DNAH3: variants seen among roughly 807,000 people sequenced by gnomAD.
DNAH3 encodes the protein axonemal beta dynein heavy chain 3.
A neutral mutation model predicts 432.5 loss-of-function variants in DNAH3; 332 were observed. That is an observed-to-expected ratio of 0.77 (90% CI 0.70 to 0.84). DNAH3 has a LOEUF of 0.84. DNAH3 is among the 40% of genes least tolerant of loss of function. The probability of loss-of-function intolerance (pLI) is 0.00; values close to 1 mark genes in which losing one functional copy is unlikely to be tolerated. For synonymous variants in DNAH3, 1,956 were observed against 1,900.2 expected (o/e 1.03, Z -0.76); for missense variants, 4,861 against 5,114.0 (o/e 0.95, Z 1.51).
chr16:20,968,781 A>AC (rs2085178619), intron 52 of DNAH3, among the ~76,000 whole-genome samples: 1 of 143,344 alleles, frequency 7.0e-6, no homozygotes, highest in Non-Finnish European at 1.5e-5. Flanking sequence ...CTCCTGCTCC[A>AC]CCCCACCCCT....
intron 44 of DNAH3, among the ~76,000 whole-genome samples, chr16:20,988,423 A>T (rs78950162): frequency 6.6e-6 from 1 of 152,010 alleles, no homozygotes; most frequent in African/African-American, 2.4e-5. Flanking sequence ...ATTATATTAC[A>T]TTACTTTTTG....
chr16:21,093,176 A>G (rs369718645), intron 18 of DNAH3, among the ~76,000 whole-genome samples: 48 of 152,348 alleles, frequency 3.2e-4, no homozygotes, highest in African/African-American at 1.1e-3. Flanking sequence ...TGTCATTTAT[A>G]TTGGTGGAAA....
chr16:21,021,503 G>T (rs1247001237), intron 40 of DNAH3, among the ~76,000 whole-genome samples: 1 of 152,030 alleles, frequency 6.6e-6, no homozygotes, highest in Non-Finnish European at 1.5e-5. Context: ...TAAACACATG[G>T]ACTTTGCCTA....
At chr16:20,981,595 C>T (rs1393423928) in intron 49 of DNAH3, among the ~76,000 whole-genome samples, 3 of 152,072 alleles carry the variant, frequency 2.0e-5, no homozygotes, top group African/African-American at 4.8e-5. Flanking sequence ...CATGGAGGCT[C>T]ACACCTGTAA....
intron 52 of DNAH3, among the ~76,000 whole-genome samples, chr16:20,966,126 C>T (rs2085053358): frequency 6.9e-6 from 1 of 144,440 alleles, no homozygotes. Context: ...CAACCTCTGC[C>T]TCCTGGGTTC....
exon 46 of DNAH3, chr16:20,987,775 G>C (rs143853702): frequency 6.2e-7 from 1 of 1,614,100 alleles, no homozygotes; most frequent in Non-Finnish European, 8.5e-7. Context: ...ATGTGACTTC[G>C]AGGGAGTTGG....
At chr16:21,064,411 A>AGTTT (rs1265513584) in intron 24 of DNAH3, among the ~76,000 whole-genome samples, 1 of 152,216 alleles carries the variant, frequency 6.6e-6, no homozygotes, top group Non-Finnish European at 1.5e-5. Context: ...TCAATCTGCC[A>AGTTT]ACCTAGAGAA....
intron 12 of DNAH3, among the ~76,000 whole-genome samples, chr16:21,115,568 G>A (rs1002433278): frequency 6.6e-6 from 1 of 151,638 alleles, no homozygotes; most frequent in African/African-American, 2.4e-5. Context: ...TCGGCTGGGC[G>A]TGGTGGCACA....
intron 40 of DNAH3, among the ~76,000 whole-genome samples, chr16:21,020,089 C>A (rs1430443799): frequency 6.7e-6 from 1 of 150,000 alleles, no homozygotes; most frequent in Non-Finnish European, 1.5e-5. Flanking sequence ...GGTGCAGTCA[C>A]AGCTCACTGT....
chr16:21,075,521 GA>G lies in DNAH3; in HGVS notation c.3009del (p.Leu1004TrpfsTer8). The G allele has an allele frequency of 6.2e-7, 1 of 1,614,018 alleles. No individual in the cohort carries two copies. Among genetic ancestry groups the G allele is most frequent in the Non-Finnish European group, 8.5e-7 (1 of 1,179,966 alleles). On this transcript the variant is annotated frameshift_variant, in exon 21 of 62. Coordinates refer to ENST00000261383, the Ensembl canonical transcript of DNAH3. LOFTEE classifies it high-confidence loss of function. ...TTCATTCTATCCAAGTTTTTCTCCAGAGAGTATTCCTTGCTGGCAGCTGCAC... is the reference window on the plus strand; with the variant it reads ...TTCATTCTATCCAAGTTTTTCTCCAGGAGTATTCCTTGCTGGCAGCTGCAC...
intron 46 of DNAH3, 24 bp downstream of exon 46, chr16:20,987,669 G>A (rs1417957234): frequency 6.2e-7 from 1 of 1,610,456 alleles, no homozygotes; most frequent in Admixed American, 1.7e-5. Context: ...GAATGATCTT[G>A]GTAGTAAAAT....
intron 59 of DNAH3, among the ~76,000 whole-genome samples, chr16:20,940,007 TC>T (rs2083744939): frequency 6.6e-6 from 1 of 152,230 alleles, no homozygotes; most frequent in Non-Finnish European, 1.5e-5. Context: ...AGGCCAGAGA[TC>T]CTTGCCCCAT....
At chr16:21,040,654 C>T (rs1036609129) in intron 32 of DNAH3, among the ~76,000 whole-genome samples, 26 of 151,984 alleles carry the variant, frequency 1.7e-4, no homozygotes, top group African/African-American at 6.0e-4. Context: ...CGTGAGCTAC[C>T]GCGCCCAGCC....
At position 21,063,476 on chromosome 16, in the gene DNAH3, A is replaced by AT. The variant is rs893449823; in HGVS notation, c.3519-794dup. On this transcript the variant is annotated intron_variant, in intron 24 of 61. Coordinates refer to ENST00000261383, the Ensembl canonical transcript of DNAH3. ...CTACCACCTTTTATTTATTTTATTT[A>AT]TTTTTTTATTTTATTTTATTTTATT... Among the ~76,000 whole-genome samples, 6 of 147,728 alleles carry AT rather than the reference A, an allele frequency of 4.1e-5. No homozygotes were observed. The East Asian group carries it at 5.9e-4, about 15-fold the overall frequency.
At chr16:21,024,468 GACA>G (rs1307939952) in intron 39 of DNAH3, 125 bp downstream of exon 39, 3 of 624,452 alleles carry the variant, frequency 4.8e-6, no homozygotes, top group South Asian at 2.4e-5. Flanking sequence ...GATAACTGGG[GACA>G]ACAAGGGAAT....
intron 44 of DNAH3, among the ~76,000 whole-genome samples, chr16:20,989,079 G>C (rs557165939): frequency 9.2e-5 from 14 of 152,332 alleles, no homozygotes; most frequent in African/African-American, 3.1e-4. Context: ...AAAGAACAAA[G>C]CTTCCACAGT....
rs1325042820 is a variant in DNAH3 at position 20,975,160 on chromosome 16, T to G, written c.8259+73A>C. On this transcript the variant is annotated intron_variant, in intron 51 of 61. Coordinates refer to ENST00000261383, the Ensembl canonical transcript of DNAH3. ...CTACCCTTTCTGAGCCTCACTTTTC[T>G]CATCCGTAAGATGGGTATAACCACG... 32 of 1,544,672 alleles carry G rather than the reference T, an allele frequency of 2.1e-5. No individual in the cohort carries two copies. In the East Asian group the frequency reaches 6.8e-4, roughly 33 times the overall value.
chr16:21,031,451 G>C (rs898227070), intron 36 of DNAH3, among the ~76,000 whole-genome samples, 165 bp from the exon 37 acceptor site: 2 of 152,092 alleles, frequency 1.3e-5, no homozygotes, highest in African/African-American at 4.8e-5. Context: ...TTGGGATCTG[G>C]GGCCAGGAGC....
chr16:21,136,141 T>C (rs28481901), intron 6 of DNAH3, among the ~76,000 whole-genome samples, 183 bp downstream of exon 7: 37,320 of 151,946 alleles, frequency 0.25, 4,688 homozygotes, highest in East Asian at 0.31. Context: ...AGGCCAGGCA[T>C]GGTGCCTCAT....
Sources: gnomAD v4.1 joint callset for allele counts (sites outside exome capture counted in the v4.1 genomes callset) on GRCh38, gnomAD v4.1.1 for gene constraint, MANE v1.5 for transcripts, NCBI Gene and HGNC (gene_info 2026-07-23, HGNC 2026-07-21) for gene names.